Variants in SAMD7 observed in about 807,000 individuals in gnomAD.
SAMD7 encodes the protein sterile alpha motif domain containing 7, also known as sterile alpha motif domain-containing protein 7.
A neutral mutation model predicts 36.7 loss-of-function variants in SAMD7; 34 were observed. The observed-to-expected ratio is 0.93, with a 90% CI of 0.71 to 1.23. The LOEUF (loss-of-function observed/expected upper bound fraction) is 1.23. SAMD7 is among the 50% of genes most tolerant of loss of function. The pLI, the probability that SAMD7 is intolerant of heterozygous loss-of-function variation, is 0.00. For missense variants in SAMD7, 570 were observed against 546.6 expected, an observed-to-expected ratio of 1.04 and a Z score of -0.43; for synonymous variants, 188 against 189.7, an observed-to-expected ratio of 0.99 and a Z score of 0.07.
intron 1 of SAMD7, among the ~76,000 whole-genome samples, chr3:169,913,414 C>T (rs1712681565): frequency 1.3e-5 from 2 of 152,192 alleles, no homozygotes; most frequent in South Asian, 2.1e-4. Flanking sequence ...GCTGATTTGG[C>T]AAGGGCTTTA....
Position 169,938,491 on chromosome 3 carries a change from T to C in SAMD7, c.1326T>C (p.Gly442=), listed in dbSNP as rs1296581999. The C allele has an allele frequency of 1.2e-6, 2 of 1,608,930 alleles. No homozygotes were observed. Among genetic ancestry groups the C allele is most frequent in the Non-Finnish European group, 1.7e-6 (2 of 1,177,162 alleles). ...TAATTCCTAAAGGAATTGAGCGAGG[T>C]AGTATGAGAAACTAAAAGCCCTCAA... ...DTIIPKGIER[G]SMRN is the part of the protein sequence containing the mutation. The change falls in exon 9 of 9, where the codon GGT becomes GGC. Residue 442 remains glycine, a synonymous_variant. Coordinates refer to ENST00000335556, the MANE Select transcript of SAMD7 (RefSeq NM_001304366.2).
chr3:169,922,898 A>G (rs551014222), intron 4 of SAMD7, among the ~76,000 whole-genome samples: 1 of 152,360 alleles, frequency 6.6e-6, no homozygotes, highest in Admixed American at 6.5e-5. Flanking sequence ...CTGCAGAGCA[A>G]GTAAGATGAA....
intron 4 of SAMD7, among the ~76,000 whole-genome samples, chr3:169,924,090 AAG>A (rs957237837): frequency 1.2e-4 from 19 of 152,262 alleles, no homozygotes; most frequent in African/African-American, 4.6e-4. Flanking sequence ...AGCTGTCTAA[AAG>A]AGAGTATCTC....
intron 1 of SAMD7, among the ~76,000 whole-genome samples, chr3:169,914,491 G>A (rs1045328286): frequency 1.2e-4 from 18 of 152,302 alleles, no homozygotes; most frequent in African/African-American, 2.9e-4. Flanking sequence ...ATGACTCATC[G>A]TCCTGCCCAG....
At chr3:169,914,681 TG>T (rs1712727359) in intron 1 of SAMD7, among the ~76,000 whole-genome samples, 1 of 152,166 alleles carries the variant, frequency 6.6e-6, no homozygotes, top group African/African-American at 2.4e-5. Flanking sequence ...TAGCTTTAAT[TG>T]TACATTAGAT....
intron 7 of SAMD7, among the ~76,000 whole-genome samples, chr3:169,933,800 A>G (rs1713611097): frequency 1.3e-5 from 2 of 152,306 alleles, no homozygotes; most frequent in South Asian, 2.1e-4. Flanking sequence ...CATAGTCCAG[A>G]AGAGGGGCAC....
chr3:169,923,514 C>A (rs949669432), intron 4 of SAMD7, among the ~76,000 whole-genome samples: 7 of 152,290 alleles, frequency 4.6e-5, no homozygotes, highest in African/African-American at 1.7e-4. Context: ...GAGGCAAAGG[C>A]GGGCAGATCA....
chr3:169,916,522 C>A (rs1204198902), intron 2 of SAMD7, among the ~76,000 whole-genome samples: 2 of 152,060 alleles, frequency 1.3e-5, no homozygotes, highest in African/African-American at 4.8e-5. Flanking sequence ...GTGGTGAGTG[C>A]CTGTAATGCC....
intron 6 of SAMD7, 143 bp from the exon 7 acceptor site, chr3:169,928,312 TAG>T: frequency 1.7e-6 from 1 of 597,044 alleles, no homozygotes; most frequent in South Asian, 2.7e-5. Context: ...CTGAAGCTTT[TAG>T]AAAACATCTC....
intron 7 of SAMD7, chr3:169,932,772 A>C (rs1250383591): frequency 5.6e-6 from 3 of 531,930 alleles, no homozygotes; most frequent in Non-Finnish European, 1.1e-5. Flanking sequence ...GATGAGCGCT[A>C]CTGTGAGGCT....
At chr3:169,915,004 A>G (rs1047315652) in intron 1 of SAMD7, among the ~76,000 whole-genome samples, 2 of 152,182 alleles carry the variant, frequency 1.3e-5, no homozygotes, top group Non-Finnish European at 2.9e-5. Flanking sequence ...GTCATTTCCC[A>G]TCTGAAGCAC....
intron 6 of SAMD7, among the ~76,000 whole-genome samples, chr3:169,927,744 T>C (rs1218374759): frequency 6.6e-6 from 1 of 152,156 alleles, no homozygotes; most frequent in Admixed American, 6.5e-5. Flanking sequence ...AAGGTAAATA[T>C]CTTGGGAAAC....
chr3:169,913,984 C>T (rs1190140515), intron 1 of SAMD7, among the ~76,000 whole-genome samples: 1 of 152,068 alleles, frequency 6.6e-6, no homozygotes, highest in Non-Finnish European at 1.5e-5. Flanking sequence ...AATTTTGAAG[C>T]AAATAGGGCA....
intron 2 of SAMD7, among the ~76,000 whole-genome samples, chr3:169,916,171 G>A (rs752293310): frequency 1.3e-5 from 2 of 152,220 alleles, no homozygotes; most frequent in Non-Finnish European, 2.9e-5. Flanking sequence ...ACCAGTCACA[G>A]CAGGACAAAT....
intron 4 of SAMD7, among the ~76,000 whole-genome samples, chr3:169,923,481 T>C (rs772366462): frequency 7.2e-5 from 11 of 152,206 alleles, no homozygotes; most frequent in Non-Finnish European, 1.2e-4. Flanking sequence ...TGGTGGCTCA[T>C]GCCTATAATC....
rs1713365106 is a variant in SAMD7, at chr3:169,928,538, G to C, written c.1001G>C (p.Ser334Thr). ...IQKWTVDDVH[S>T]FIRSLPGCSD... ...AAGTGGACCGTGGATGATGTGCACA[G>C]CTTCATTCGCAGCCTTCCAGGTTGT... Residue 334 changes from serine to threonine, a missense_variant, in exon 7 of 9, where the codon AGC becomes ACC. By Grantham distance (58) the Ser-to-Thr change is moderately conservative. Transcript: ENST00000335556. 10 of 1,614,070 alleles carry C rather than the reference G, an allele frequency of 6.2e-6. No homozygotes were observed. Among genetic ancestry groups the C allele is most frequent in the Middle Eastern group, 1.6e-4 (1 of 6,062 alleles).
Position 169,927,208 on chromosome 3 carries a change from T to C in SAMD7, c.919+27T>C, listed in dbSNP as rs779188837. 4 of 1,505,478 alleles carry C rather than the reference T, an allele frequency of 2.7e-6. No individual in the cohort carries two copies. The Admixed American group carries it at 9.1e-5, about 34-fold the overall frequency. 93.3% of individuals were successfully genotyped at this position (1,505,478 alleles called of 1,614,324 possible). A position where few individuals can be genotyped will look rare whatever the true frequency, so the allele number is the denominator to read the frequency against. On this transcript the variant is annotated intron_variant, in intron 6 of 8. Coordinates refer to ENST00000335556, the MANE Select transcript of SAMD7 (RefSeq NM_001304366.2). Reference sequence around the variant, plus strand: ...TGGGTGTCCAGGGGCCAATGGCAGATCCTCATTAACTACAGGTTGCCAAGT... The same window carrying C: ...TGGGTGTCCAGGGGCCAATGGCAGACCCTCATTAACTACAGGTTGCCAAGT...
At chr3:169,937,449 C>T (rs1330878858) in intron 8 of SAMD7, among the ~76,000 whole-genome samples, 7 of 152,104 alleles carry the variant, frequency 4.6e-5, no homozygotes, top group African/African-American at 1.7e-4. Context: ...TGTTGTTCCC[C>T]TCCCTATGTC....
chr3:169,928,129 G>A lies in SAMD7; in HGVS notation c.920-328G>A, dbSNP rs181714485. ...TGTAGCTAAATTATTGTCTCATCTC[G>A]AAAGCAGGATAATCACCTATCACGA... On this transcript the variant is annotated intron_variant, in intron 6 of 8. Coordinates refer to ENST00000335556, the MANE Select transcript of SAMD7 (RefSeq NM_001304366.2). 5.3e-5 allele frequency among the ~76,000 whole-genome samples: 8 copies of A among 152,238 alleles called. No homozygotes were observed. In the East Asian group the frequency reaches 5.8e-4, roughly 11 times the overall value.
Sources: gnomAD v4.1 joint callset for allele counts (sites outside exome capture counted in the v4.1 genomes callset) on GRCh38, gnomAD v4.1.1 for gene constraint, MANE v1.5 for transcripts, NCBI Gene and HGNC (gene_info 2026-07-23, HGNC 2026-07-21) for gene names.